ZNF536: variants seen among roughly 807,000 people sequenced by gnomAD.
ZNF536 encodes the protein zinc finger protein 536.
A neutral mutation model predicts 84.5 loss-of-function variants in ZNF536; 13 were observed. The observed-to-expected ratio is 0.15, with a 90% CI of 0.10 to 0.24. ZNF536 has a LOEUF of 0.24. ZNF536 is among the 10% of genes least tolerant of loss of function. The pLI, the probability that ZNF536 is intolerant of heterozygous loss-of-function variation, is 1.00. For missense variants in ZNF536, 1,536 were observed against 1,747.5 expected (o/e 0.88, Z 2.16); for synonymous variants, 811 against 742.5 (o/e 1.09, Z -1.50).
chr19:30,479,484 G>C (rs747696207), intron 2 of ZNF536, among the ~76,000 whole-genome samples: 4 of 152,236 alleles, frequency 2.6e-5, no homozygotes, highest in Non-Finnish European at 5.9e-5. Context: ...GGAATTGCTA[G>C]TTGGCTGCTG....
intron 1 of ZNF536, among the ~76,000 whole-genome samples, chr19:30,642,567 A>G (rs1255764297): frequency 6.6e-6 from 1 of 152,204 alleles, no homozygotes; most frequent in Non-Finnish European, 1.5e-5. Context: ...GAGACTAGAG[A>G]AAACTCAAGG....
At chr19:30,237,741 T>C (rs2023642779) in intron 1 of ZNF536, among the ~76,000 whole-genome samples, 1 of 152,132 alleles carries the variant, frequency 6.6e-6, no homozygotes, top group South Asian at 2.1e-4. Flanking sequence ...ACACAGTCCA[T>C]GTGTGTTGCT....
intron 1 of ZNF536, among the ~76,000 whole-genome samples, chr19:30,390,033 T>C (rs2049512991): frequency 6.6e-6 from 1 of 152,186 alleles, no homozygotes; most frequent in East Asian, 1.9e-4. Flanking sequence ...TTGGTAGATA[T>C]TCAATGGGGG....
intron 1 of ZNF536, among the ~76,000 whole-genome samples, chr19:30,569,048 A>T (rs1166066995): frequency 6.6e-6 from 1 of 152,138 alleles, no homozygotes; most frequent in African/African-American, 2.4e-5. Context: ...TGGAGAACTA[A>T]ATGATGAATC....
intron 2 of ZNF536, among the ~76,000 whole-genome samples, chr19:30,532,814 C>A (rs1406068442): frequency 6.6e-6 from 1 of 152,186 alleles, no homozygotes; most frequent in East Asian, 1.9e-4. Flanking sequence ...GTAGATTCAA[C>A]CTGCAGGACA....
intron 1 of ZNF536, among the ~76,000 whole-genome samples, chr19:30,603,396 C>T (rs372473728): frequency 3.3e-5 from 5 of 152,110 alleles, no homozygotes; most frequent in African/African-American, 9.7e-5. Context: ...GCCATAGATC[C>T]GATGGAGATA....
At chr19:30,352,989 A>T (rs929714951) in intron 3 of ZNF536, among the ~76,000 whole-genome samples, 4 of 152,250 alleles carry the variant, frequency 2.6e-5, no homozygotes, top group Admixed American at 2.6e-4. Flanking sequence ...ATTATTCTGC[A>T]CCATGATTCA....
At chr19:30,335,682 C>T (rs1395532936) in intron 2 of ZNF536, among the ~76,000 whole-genome samples, 4 of 152,178 alleles carry the variant, frequency 2.6e-5, no homozygotes, top group Admixed American at 6.5e-5. Context: ...GGAGAAGCTG[C>T]GAGTGCCACT....
chr19:30,658,092 G>T (rs1004476547), intron 1 of ZNF536, among the ~76,000 whole-genome samples: 1 of 150,622 alleles, frequency 6.6e-6, no homozygotes, highest in South Asian at 2.1e-4. Context: ...GCGCAATCTC[G>T]GCTCACTGCA....
At chr19:30,587,364 A>G (rs1254909688) in intron 1 of ZNF536, among the ~76,000 whole-genome samples, 1 of 152,224 alleles carries the variant, frequency 6.6e-6, no homozygotes, top group Non-Finnish European at 1.5e-5. Context: ...TTAACAACAA[A>G]TGATAGAATG....
downstream of ZNF536, among the ~76,000 whole-genome samples, chr19:30,558,304 G>A (rs911120679): frequency 6.6e-6 from 1 of 152,186 alleles, no homozygotes; most frequent in Non-Finnish European, 1.5e-5. Flanking sequence ...TGGGGGGTGG[G>A]GGAGAGCCAG....
chr19:30,539,904 G>A (rs2045261566), intron 3 of ZNF536, among the ~76,000 whole-genome samples: 2 of 152,192 alleles, frequency 1.3e-5, no homozygotes, highest in Non-Finnish European at 2.9e-5. Context: ...GTTGTCTCAA[G>A]GAATGACCAT....
At chr19:30,521,347 C>T (rs2044312243) in intron 2 of ZNF536, among the ~76,000 whole-genome samples, 1 of 152,212 alleles carries the variant, frequency 6.6e-6, no homozygotes, top group African/African-American at 2.4e-5. Flanking sequence ...AAAGCAAGGG[C>T]TGCTATTCTT....
At chr19:30,581,477 A>G (rs1384855201) in intron 1 of ZNF536, among the ~76,000 whole-genome samples, 3 of 151,538 alleles carry the variant, frequency 2.0e-5, no homozygotes, top group Admixed American at 2.0e-4. Flanking sequence ...GGTCCATCTC[A>G]AAAAGAAAAG....
chr19:30,338,041 TG>T, intron 2 of ZNF536, among the ~76,000 whole-genome samples: 1 of 150,820 alleles, frequency 6.6e-6, no homozygotes, highest in South Asian at 2.1e-4. Context: ...ATGACAGTGG[TG>T]ATGATGGTGG....
chr19:30,548,811 C>G lies in ZNF536; in HGVS notation c.3192C>G (p.Gly1064=), dbSNP rs1419503859. 6.2e-7 allele frequency: 1 copy of G among 1,613,970 alleles called. No individual in the cohort carries two copies. The highest frequency in any genetic ancestry group is 2.2e-5 in the East Asian group (1 of 44,854). ...LPSLQSNKDL[G]LSNMISSLDS... ...CGTTACAATCAAACAAAGACCTGGG[C>G]CTCTCCAATATGATCAGCTCTCTAG... is the stretch of plus-strand genomic sequence containing the variant. The change falls in exon 4 of 5, where the codon GGC becomes GGG. Residue 1064 remains glycine, a synonymous_variant. Transcript: ENST00000355537.
intron 3 of ZNF536, among the ~76,000 whole-genome samples, chr19:30,359,285 G>A (rs1001420525): frequency 6.6e-6 from 1 of 152,224 alleles, no homozygotes; most frequent in Non-Finnish European, 1.5e-5. Context: ...TGCATGGTGT[G>A]GGGAGGGCTC....
chr19:30,329,334 C>T (rs2146363071), intron 2 of ZNF536, among the ~76,000 whole-genome samples: 1 of 152,244 alleles, frequency 6.6e-6, no homozygotes, highest in South Asian at 2.1e-4. Context: ...CACACATAAT[C>T]CTAGGTCAAC....
chr19:30,690,170 C>T (rs1482474657), intron 1 of ZNF536, among the ~76,000 whole-genome samples: 3 of 152,292 alleles, frequency 2.0e-5, no homozygotes, highest in East Asian at 1.9e-4. Context: ...ACTTACTGGG[C>T]GCACGGCTTT....
Sources: allele counts gnomAD v4.1 joint callset (sites outside exome capture counted in the v4.1 genomes callset), GRCh38; gene constraint gnomAD v4.1.1; transcripts MANE v1.5; gene names NCBI Gene and HGNC (gene_info 2026-07-23, HGNC 2026-07-21).